RDH12: variants seen among roughly 807,000 people sequenced by gnomAD.
The protein encoded by RDH12 is retinol dehydrogenase 12, also known as all-trans and 9-cis retinol dehydrogenase.
Under a neutral mutation model 34.0 loss-of-function variants are expected in RDH12, and 21 were observed. The observed-to-expected ratio is 0.62, with a 90% confidence interval of 0.44 to 0.89. The LOEUF is 0.89. Among genes scored for constraint, RDH12 ranks in the 40% least tolerant of loss-of-function variants. RDH12 has a pLI of 0.00. For missense variants in RDH12, 394 were observed against 398.6 expected (o/e 0.99, Z 0.10); for synonymous variants, 198 against 169.9 (o/e 1.17, Z -1.29).
chr14:67,702,403 C>CTT (rs2037908958), intron 1 of RDH12, among the ~76,000 whole-genome samples: 1 of 152,086 alleles, frequency 6.6e-6, no homozygotes, highest in Non-Finnish European at 1.5e-5. Flanking sequence ...AGCTGTATTT[C>CTT]TTAAACCAAC....
chr14:67,712,493 CAAAAAAA>C (rs79758974), intron 1 of RDH12, among the ~76,000 whole-genome samples: 619 of 38,930 alleles, frequency 0.016, 6 homozygotes, highest in African/African-American at 0.027. Flanking sequence ...AAAAAACTTG[CAAAAAAA>C]AAAAAAAAAA....
chr14:67,710,903 G>C (rs2038002195), intron 1 of RDH12, among the ~76,000 whole-genome samples: 1 of 151,830 alleles, frequency 6.6e-6, no homozygotes, highest in South Asian at 2.1e-4. Context: ...TGTTTACCTA[G>C]ATTATTTATG....
At chr14:67,718,751 G>C (rs111738982) in intron 1 of RDH12, among the ~76,000 whole-genome samples, 1 of 152,154 alleles carries the variant, frequency 6.6e-6, no homozygotes, top group Non-Finnish European at 1.5e-5. Context: ...TATCCTATTG[G>C]TCCCTGGCTT....
At chr14:67,702,155 G>T (rs893739281) in intron 1 of RDH12, among the ~76,000 whole-genome samples, 8 of 151,838 alleles carry the variant, frequency 5.3e-5, no homozygotes, top group Admixed American at 5.2e-4. Context: ...TTTAAATGGA[G>T]ATGAGATCTC....
rs776603341 is a variant in RDH12 at position 67,733,811 on chromosome 14, A to T, written c.914A>T (p.Asn305Ile). 20 of 1,612,992 alleles carry T rather than the reference A, an allele frequency of 1.2e-5. No homozygotes were observed. The highest frequency in any genetic ancestry group is 8.5e-6 in the Non-Finnish European group (10 of 1,179,246). Residue 305 changes from asparagine to isoleucine, a missense_variant, in exon 9 of 9, where the codon AAT becomes ATT. Asn to Ile is a moderately radical substitution (Grantham distance 149). Transcript: ENST00000551171. The part of the protein sequence containing the change: ...RNNKTAERLW[N>I]VSCELLGIRW... ...AACAAAACAGCTGAGCGCCTATGGA[A>T]TGTCAGCTGTGAGCTTCTAGGAATC...
At chr14:67,714,031 C>T (rs1410660153) in intron 1 of RDH12, among the ~76,000 whole-genome samples, 4 of 152,184 alleles carry the variant, frequency 2.6e-5, no homozygotes, top group Admixed American at 6.5e-5. Flanking sequence ...CTTGAATTTT[C>T]CCTTTAGCTT....
chr14:67,722,382 CTAAG>C, intron 2 of RDH12, 38 bp from the exon 3 acceptor site: 1 of 568,586 alleles, frequency 1.8e-6, no homozygotes, highest in Non-Finnish European at 3.2e-6. Flanking sequence ...GCCAGTAAAC[CTAAG>C]TAAGCTTCAA....
intron 1 of RDH12, among the ~76,000 whole-genome samples, chr14:67,707,751 A>T (rs1216337448): frequency 2.0e-5 from 3 of 152,210 alleles, no homozygotes; most frequent in Non-Finnish European, 4.4e-5. Flanking sequence ...CCAGCCGTGG[A>T]TTTGTGCTAT....
intron 1 of RDH12, among the ~76,000 whole-genome samples, chr14:67,718,367 G>C (rs2038089346): frequency 6.6e-6 from 1 of 152,182 alleles, no homozygotes; most frequent in Admixed American, 6.5e-5. Context: ...TTTGTAAGAG[G>C]CTCCATTCTT....
intron 1 of RDH12, among the ~76,000 whole-genome samples, chr14:67,709,762 T>C (rs1328955564): frequency 1.3e-5 from 2 of 152,226 alleles, no homozygotes; most frequent in Non-Finnish European, 2.9e-5. Context: ...AGCAGGACTT[T>C]GATGTCCTTT....
At chr14:67,724,711 A>G (rs2038165053) in intron 4 of RDH12, 120 bp downstream of exon 4, 2 of 807,334 alleles carry the variant, frequency 2.5e-6, no homozygotes, top group East Asian at 2.6e-5. Context: ...TAGAAATTCA[A>G]GGAACCTGGG....
chr14:67,727,464 C>A, intron 7 of RDH12: 3 of 393,842 alleles, frequency 7.6e-6, no homozygotes, highest in Admixed American at 4.1e-5. Flanking sequence ...TTGCAACAGA[C>A]AGAGGCTTTT....
rs756887056 is a variant in RDH12 at position 67,729,376 on chromosome 14, T to G, written c.844T>G (p.Phe282Val). 7 of 1,597,314 alleles carry G rather than the reference T, an allele frequency of 4.4e-6. No homozygotes were observed. The highest frequency in any genetic ancestry group is 4.0e-5 in the African/African-American group (3 of 74,864). ...CCTGGAGCCCCTGAGTGGCAAGTACTTCAGGTGTGTGAAGGCAATGCGGTT... is the reference window on the plus strand; with the variant it reads ...CCTGGAGCCCCTGAGTGGCAAGTACGTCAGGTGTGTGAAGGCAATGCGGTT... ...EGLEPLSGKYFSDCKRTWVSP... is the reference protein window; with the variant it reads ...EGLEPLSGKYVSDCKRTWVSP... Residue 282 changes from phenylalanine (F) to valine (V), a missense_variant, in exon 8 of 9, where the codon TTC becomes GTC. Phe to Val is a conservative substitution (Grantham distance 50, BLOSUM62 -1). Transcript: ENST00000551171.
intron 3 of RDH12, among the ~76,000 whole-genome samples, chr14:67,724,267 C>A (rs544806068): frequency 6.6e-6 from 1 of 152,320 alleles, no homozygotes; most frequent in Non-Finnish European, 1.5e-5. Context: ...GGCAAGTGAT[C>A]TTCCCACCTG....
At chr14:67,727,424 C>T (rs2038201610) in intron 7 of RDH12, 1 of 496,682 alleles carries the variant, frequency 2.0e-6, no homozygotes, top group African/African-American at 1.9e-5. Context: ...CATCTTATCT[C>T]TTATCTCATT....
At chr14:67,704,586 G>A (rs956065942) in intron 1 of RDH12, among the ~76,000 whole-genome samples, 10 of 152,162 alleles carry the variant, frequency 6.6e-5, no homozygotes, top group Non-Finnish European at 1.5e-4. Context: ...CTAAAACTCA[G>A]CAGGTGTCTT....
chr14:67,704,070 G>T (rs2037927743), intron 1 of RDH12, among the ~76,000 whole-genome samples: 1 of 152,134 alleles, frequency 6.6e-6, no homozygotes, highest in African/African-American at 2.4e-5. Flanking sequence ...GATCTCAGTA[G>T]TTCTATTTTC....
chr14:67,717,012 T>C (rs981714826), intron 1 of RDH12, among the ~76,000 whole-genome samples: 1 of 152,240 alleles, frequency 6.6e-6, no homozygotes, highest in African/African-American at 2.4e-5. Flanking sequence ...TTTTACTTCC[T>C]TCTATCAATC....
chr14:67,722,328 G>A (rs2038132939), intron 2 of RDH12, 96 bp from the exon 3 acceptor site: 1 of 466,942 alleles, frequency 2.1e-6, no homozygotes, highest in Non-Finnish European at 3.9e-6. Flanking sequence ...ATTGAGGATG[G>A]GGGGTTTAGG....
Sources: gnomAD v4.1 joint callset for allele counts (sites outside exome capture counted in the v4.1 genomes callset) on GRCh38, gnomAD v4.1.1 for gene constraint, MANE v1.5 for transcripts, NCBI Gene and HGNC (gene_info 2026-07-23, HGNC 2026-07-21) for gene names.